The following TECRL variants were observed in gnomAD, a reference collection of about 807,000 sequenced individuals.
TECRL encodes trans-2,3-enoyl-CoA reductase like.
TECRL carries 63 observed loss-of-function variants against 52.8 expected under a neutral mutation model. That is an observed-to-expected ratio of 1.19 (90% CI 0.97 to 1.47). TECRL has a LOEUF of 1.47. Among genes scored for constraint, TECRL ranks in the 40% most tolerant of loss-of-function variants. The pLI, the probability that TECRL is intolerant of heterozygous loss-of-function variation, is 0.00. For missense variants in TECRL, 482 were observed against 429.6 expected (o/e 1.12, Z -1.08); for synonymous variants, 164 against 141.9 (o/e 1.16, Z -1.10).
intron 2 of TECRL, among the ~76,000 whole-genome samples, chr4:64,342,940 A>G (rs1156344674): frequency 6.6e-6 from 1 of 152,148 alleles, no homozygotes; most frequent in East Asian, 1.9e-4. Context: ...TAAAAACATA[A>G]AGTTAGGGAA....
chr4:64,305,726 A>G (rs745781277), intron 6 of TECRL, among the ~76,000 whole-genome samples: 4 of 152,096 alleles, frequency 2.6e-5, no homozygotes, highest in Non-Finnish European at 4.4e-5. Context: ...TCACTTAGGC[A>G]CTCATGAGTA....
chr4:64,339,540 G>A (rs190334747), intron 2 of TECRL, among the ~76,000 whole-genome samples: 3 of 151,448 alleles, frequency 2.0e-5, no homozygotes, highest in South Asian at 2.1e-4. Context: ...TCTTCTAATT[G>A]CTATGTCTAA....
intron 2 of TECRL, among the ~76,000 whole-genome samples, chr4:64,364,701 T>A (rs1721472828): frequency 1.3e-5 from 2 of 151,726 alleles, no homozygotes; most frequent in South Asian, 2.1e-4. Context: ...AGATTGAAAT[T>A]GAAAAAAATA....
chr4:64,393,606 CAGACTT>C (rs1723707501), intron 1 of TECRL, among the ~76,000 whole-genome samples: 1 of 151,838 alleles, frequency 6.6e-6, no homozygotes, highest in Non-Finnish European at 1.5e-5. Flanking sequence ...TATATTTTAT[CAGACTT>C]AGAGTTCATA....
At chr4:64,335,965 G>T (rs1490839017) in intron 2 of TECRL, among the ~76,000 whole-genome samples, 32 of 151,882 alleles carry the variant, frequency 2.1e-4, no homozygotes, top group Admixed American at 2.1e-3. Flanking sequence ...ATGGATATTG[G>T]TCTTTTTTTT....
chr4:64,313,708 C>A (rs1445205766), intron 5 of TECRL, among the ~76,000 whole-genome samples: 3 of 150,376 alleles, frequency 2.0e-5, no homozygotes, highest in Admixed American at 1.3e-4. Context: ...GTCTCGATCT[C>A]CTGACCTTGT....
intron 2 of TECRL, among the ~76,000 whole-genome samples, chr4:64,354,068 T>C (rs746815321): frequency 6.6e-6 from 1 of 152,170 alleles, no homozygotes; most frequent in Non-Finnish European, 1.5e-5. Context: ...AATACGGATT[T>C]ATACTTTAGC....
At chr4:64,380,687 T>C (rs11939176) in intron 1 of TECRL, among the ~76,000 whole-genome samples, 1 of 152,100 alleles carries the variant, frequency 6.6e-6, no homozygotes, top group South Asian at 2.1e-4. Flanking sequence ...ATTGTTGGCA[T>C]CTTTGAAGAC....
intron 2 of TECRL, among the ~76,000 whole-genome samples, chr4:64,373,787 G>T (rs1034828395): frequency 3.3e-5 from 5 of 150,956 alleles, no homozygotes; most frequent in African/African-American, 1.2e-4. Flanking sequence ...AGATAGAATT[G>T]GTCTAAGTCA....
intron 1 of TECRL, among the ~76,000 whole-genome samples, chr4:64,403,625 A>G (rs1187731253): frequency 6.6e-6 from 1 of 152,070 alleles, no homozygotes; most frequent in Non-Finnish European, 1.5e-5. Flanking sequence ...TAAAAAATGA[A>G]TAAAAGTCAG....
chr4:64,308,371 G>A (rs886177580), intron 6 of TECRL, among the ~76,000 whole-genome samples: 6 of 152,098 alleles, frequency 3.9e-5, no homozygotes, highest in African/African-American at 9.7e-5. Flanking sequence ...TAGCATTGTG[G>A]CTTCAGCTTC....
At chr4:64,355,689 C>G (rs1397156530) in intron 2 of TECRL, among the ~76,000 whole-genome samples, 1 of 150,994 alleles carries the variant, frequency 6.6e-6, no homozygotes, top group Non-Finnish European at 1.5e-5. Context: ...GTAGTCCCAG[C>G]TACTTGGGAG....
At chr4:64,358,136 G>A (rs10029600) in intron 2 of TECRL, among the ~76,000 whole-genome samples, 136,217 of 151,608 alleles carry the variant, frequency 0.9, 61,857 homozygotes, top group East Asian at 1. Context: ...TATCATTTTC[G>A]GTCTGTAAAT....
chr4:64,332,266 C>T (rs1003263881), intron 2 of TECRL, among the ~76,000 whole-genome samples: 12 of 152,152 alleles, frequency 7.9e-5, no homozygotes, highest in Admixed American at 7.2e-4. Context: ...TCCGCAATTT[C>T]AGTAGTTACC....
chr4:64,375,220 T>C lies in TECRL; in HGVS notation c.238A>G (p.Thr80Ala), dbSNP rs1247421702. Residue 80 changes from threonine to alanine, a missense_variant, in exon 2 of 12, where the codon ACA (threonine) becomes GCA (alanine). Transcript: ENST00000381210. ...RKQICILDKV[T>A]QSSTIHDVKQ... ...ACATCATGAATAGTAGATGATTGTG[T>C]CACCTGAAAAGGAAAAGAAAATAGA... 4 of 1,405,138 alleles carry C rather than the reference T, an allele frequency of 2.8e-6. No homozygotes were observed. The African/African-American group carries it at 4.6e-5, about 16-fold the overall frequency. 87.0% of individuals were successfully genotyped at this position (1,405,138 alleles called of 1,614,324 possible). A position where few individuals can be genotyped will look rare whatever the true frequency, so the allele number is the denominator to read the frequency against.
At position 64,280,056 on chromosome 4, in the gene TECRL, A is replaced by C. The variant is rs1240515325; in HGVS notation, c.*16T>G. 1 of 1,582,742 alleles carries C rather than the reference A, an allele frequency of 6.3e-7. No homozygotes were observed. The highest frequency in any genetic ancestry group is 8.6e-7 in the Non-Finnish European group (1 of 1,165,622). ...TTTATATGTTGCTGTTTTCTATAGG[A>C]GATAAGATTCTTTTTTTACAATATG... is the stretch of plus-strand genomic sequence containing the variant. On this transcript the variant is annotated 3_prime_UTR_variant, in exon 12 of 12. Transcript: ENST00000381210.
chr4:64,305,618 G>A (rs1291304964), intron 6 of TECRL, among the ~76,000 whole-genome samples: 1 of 152,248 alleles, frequency 6.6e-6, no homozygotes, highest in East Asian at 1.9e-4. Context: ...CCAGCCACCT[G>A]CAGAGGCACA....
In TECRL at chr4:64,314,719, G is replaced by A. The variant is rs1717359825; in HGVS notation, c.480C>T (p.Leu160=). Reference sequence around the variant, plus strand: ...ATATACATGGGATCCTCAAATAAAAGAGGAGGTATATTAGCAGAGGTCCTG... The same window carrying A: ...ATATACATGGGATCCTCAAATAAAAAAGGAGGTATATTAGCAGAGGTCCTG... ...EYTGPLLIYL[L]FYLRIPCIYD... is the part of the protein sequence containing the mutation. Residue 160 remains leucine, a synonymous_variant, in exon 5 of 12, where the codon CTC becomes CTT. Transcript: ENST00000381210. The A allele has an allele frequency of 4.3e-6, 7 of 1,613,508 alleles. No individual in the cohort carries two copies. The highest frequency in any genetic ancestry group is 5.9e-6 in the Non-Finnish European group (7 of 1,179,760).
intron 2 of TECRL, among the ~76,000 whole-genome samples, chr4:64,341,748 T>C (rs1390760089): frequency 2.6e-5 from 4 of 152,144 alleles, no homozygotes; most frequent in Non-Finnish European, 5.9e-5. Context: ...GCCCCTGTGG[T>C]TGCTGGCATT....
Sources: allele counts gnomAD v4.1 joint callset (sites outside exome capture counted in the v4.1 genomes callset), GRCh38; gene constraint gnomAD v4.1.1; transcripts MANE v1.5; gene names NCBI Gene and HGNC (gene_info 2026-07-23, HGNC 2026-07-21).